Variants in HOOK3 observed in about 807,000 individuals in gnomAD.
The protein encoded by HOOK3 is hook microtubule tethering protein 3, also known as protein Hook homolog 3.
Under a neutral mutation model 116.3 loss-of-function variants are expected in HOOK3, and 24 were observed. That is an observed-to-expected ratio of 0.21 (90% CI 0.15 to 0.29). The LOEUF (loss-of-function observed/expected upper bound fraction) is 0.29, where lower values mean the gene tolerates loss of function less well. Ranked by LOEUF, HOOK3 falls within the 10% of genes least tolerant of loss-of-function variation. The pLI is 1.00. For missense variants in HOOK3, 632 were observed against 830.2 expected, an observed-to-expected ratio of 0.76 and a Z score of 2.93; for synonymous variants, 275 against 283.0, an observed-to-expected ratio of 0.97 and a Z score of 0.28.
chr8:42,966,686 A>G (rs1000103350), intron 10 of HOOK3, 73 bp downstream of exon 10: 7 of 1,517,268 alleles, frequency 4.6e-6, no homozygotes, highest in African/African-American at 1.4e-5. Context: ...CTGAGGATCT[A>G]GCAAACTTAA....
intron 11 of HOOK3, 31 bp from the exon 12 acceptor site, chr8:42,973,258 A>G (rs1014496929): frequency 5.1e-6 from 8 of 1,580,624 alleles, no homozygotes; most frequent in Non-Finnish European, 6.8e-6. Flanking sequence ...GTCTCAGATT[A>G]TGTATAAGTA....
intron 2 of HOOK3, among the ~76,000 whole-genome samples, chr8:42,907,772 G>A (rs1807339480): frequency 7.6e-6 from 1 of 132,328 alleles, no homozygotes; most frequent in South Asian, 2.5e-4. Flanking sequence ...CAAGGATGTC[G>A]ACTCTGCCAG....
intron 1 of HOOK3, among the ~76,000 whole-genome samples, chr8:42,901,442 A>T (rs1430728211): frequency 6.6e-6 from 1 of 152,194 alleles, no homozygotes; most frequent in African/African-American, 2.4e-5. Flanking sequence ...TAAAGTGTAT[A>T]ATTTTTTTGG....
rs1169680507 is a variant in HOOK3 at position 43,018,506 on chromosome 8, G to A, written c.*8G>A. 2 of 1,602,646 alleles carry A rather than the reference G, an allele frequency of 1.2e-6. No individual in the cohort carries two copies. Among genetic ancestry groups the A allele is most frequent in the Non-Finnish European group, 1.7e-6 (2 of 1,176,222 alleles). On this transcript the variant is annotated 3_prime_UTR_variant, in exon 22 of 22. Coordinates refer to ENST00000307602, the MANE Select transcript of HOOK3 (RefSeq NM_032410.4). ...CCGGCCACAGCAAGGTAGAGAAGTT[G>A]TGCCGCTCAATCACAGACACCTGCA...
chr8:42,922,820 C>T (rs1807682182), intron 2 of HOOK3, among the ~76,000 whole-genome samples: 1 of 145,998 alleles, frequency 6.8e-6, no homozygotes, highest in South Asian at 2.2e-4. Context: ...GAATTGGTTG[C>T]AGTGAGCTGA....
At chr8:42,899,004 G>A (rs78591000) in intron 1 of HOOK3, among the ~76,000 whole-genome samples, 2,100 of 152,264 alleles carry the variant, frequency 0.014, 45 homozygotes, top group African/African-American at 0.047. Context: ...GGTTGTATGG[G>A]CACTCAGAGT....
At chr8:42,948,888 G>A (rs938979216) in intron 5 of HOOK3, among the ~76,000 whole-genome samples, 20 of 152,328 alleles carry the variant, frequency 1.3e-4, no homozygotes, top group African/African-American at 4.6e-4. Context: ...GTTGTGTTAT[G>A]TATATTTGTA....
At position 42,897,180 on chromosome 8, in the gene HOOK3, C is replaced by T. The variant is rs1807008259; in HGVS notation, c.49C>T (p.Leu17Phe). Reference protein sequence around the residue: ...LERAELCESLLTWIQTFNVDA... With the variant: ...LERAELCESLFTWIQTFNVDA... ...GCGGGCGGAGCTGTGCGAGAGCCTC[C>T]TCACTTGGGTACGTGGGGGCCGCGG... Residue 17 changes from leucine (L) to phenylalanine (F), a missense_variant, in exon 1 of 22, where the codon CTC (leucine) becomes TTC (phenylalanine). Transcript: ENST00000307602. 4 of 1,247,874 alleles carry T rather than the reference C, an allele frequency of 3.2e-6. No homozygotes were observed. Among genetic ancestry groups the T allele is most frequent in the Admixed American group, 4.1e-5 (1 of 24,518 alleles). 77.3% of individuals were successfully genotyped at this position (1,247,874 alleles called of 1,614,324 possible).
chr8:43,019,801 C>T lies in HOOK3; in HGVS notation c.*1303C>T, dbSNP rs1809789918. 1 of 204,270 alleles carries T rather than the reference C, an allele frequency of 4.9e-6. No homozygotes were observed. The highest frequency in any genetic ancestry group is 1.0e-5 in the Non-Finnish European group (1 of 99,806). 12.7% of individuals were successfully genotyped at this position (204,270 alleles called of 1,614,324 possible). On this transcript the variant is annotated 3_prime_UTR_variant, in exon 22 of 22. Coordinates refer to ENST00000307602, the MANE Select transcript of HOOK3 (RefSeq NM_032410.4). ...TCCATATTGACTTATGTATTTGGTC[C>T]CAAATTATATTTAAGTCTTTTTTCT...
chr8:42,989,458 TA>T (rs1318724083), intron 15 of HOOK3, among the ~76,000 whole-genome samples: 1 of 152,204 alleles, frequency 6.6e-6, no homozygotes, highest in African/African-American at 2.4e-5. Flanking sequence ...ATGAACTTTT[TA>T]TTTTTTTTAT....
intron 2 of HOOK3, among the ~76,000 whole-genome samples, chr8:42,919,810 T>A (rs927379880): frequency 2.6e-5 from 4 of 152,124 alleles, no homozygotes. Flanking sequence ...GGCGTGGCGG[T>A]GCGCGCCTGC....
rs1808664394 is a variant in HOOK3, at chr8:42,968,139, G to T, written c.1047G>T (p.Gln349His). 1 of 1,613,722 alleles carries T rather than the reference G, an allele frequency of 6.2e-7. No individual in the cohort carries two copies. The highest frequency in any genetic ancestry group is 1.3e-5 in the African/African-American group (1 of 75,012). ...AAGAGAAGAATACCATGTATATGCA[G>T]AATACTGTCAGTCTAGAGGAAGAGT... ...LLEEKNTMYM[Q>H]NTVSLEEELR... Residue 349 changes from glutamine to histidine, a missense_variant, in exon 11 of 22, where the codon CAG becomes CAT. Gln to His is a conservative substitution (Grantham distance 24, BLOSUM62 0). Around this residue, in one of 3 missense-constraint regions of HOOK3, gnomAD observed 483 missense variants for 648.1 expected, o/e 0.75. Transcript: ENST00000307602.
chr8:43,006,438 C>T (rs1455488298), intron 17 of HOOK3, among the ~76,000 whole-genome samples: 2 of 152,062 alleles, frequency 1.3e-5, no homozygotes, highest in East Asian at 3.9e-4. Flanking sequence ...CCTTAGCCTC[C>T]CGAGTAGCTG....
At chr8:42,927,922 G>C (rs1807799960) in intron 3 of HOOK3, among the ~76,000 whole-genome samples, 2 of 152,158 alleles carry the variant, frequency 1.3e-5, no homozygotes, top group Admixed American at 1.3e-4. Context: ...CAAGGCGGGT[G>C]GATCACTTGC....
intron 17 of HOOK3, 101 bp downstream of exon 17, chr8:43,002,242 T>C: frequency 2.5e-6 from 2 of 807,936 alleles, no homozygotes; most frequent in South Asian, 1.6e-5. Flanking sequence ...AGGTGGCCCT[T>C]GAAGAAATAG....
chr8:43,005,377 C>T (rs968002194), intron 17 of HOOK3, among the ~76,000 whole-genome samples: 5 of 151,760 alleles, frequency 3.3e-5, no homozygotes, highest in East Asian at 1.9e-4. Context: ...TCTGCCACCA[C>T]GCCTGGCTCA....
chr8:42,936,370 A>G (rs1807972044), intron 4 of HOOK3, among the ~76,000 whole-genome samples: 1 of 152,156 alleles, frequency 6.6e-6, no homozygotes, highest in African/African-American at 2.4e-5. Flanking sequence ...TTCTATTTGA[A>G]TATCCTTTAT....
At chr8:42,904,149 A>G (rs1227581106) in intron 1 of HOOK3, among the ~76,000 whole-genome samples, 1 of 152,024 alleles carries the variant, frequency 6.6e-6, no homozygotes, top group Non-Finnish European at 1.5e-5. Flanking sequence ...ATAAATAAAA[A>G]TTTGTGTGAA....
chr8:42,998,083 G>A (rs1376643674), intron 16 of HOOK3: 1 of 208,014 alleles, frequency 4.8e-6, no homozygotes. Flanking sequence ...TACTCCTTCT[G>A]TTCCCCGACA....
Sources: allele counts gnomAD v4.1 joint callset (sites outside exome capture counted in the v4.1 genomes callset), GRCh38; gene constraint gnomAD v4.1.1; regional missense constraint gnomAD v4.1.1; transcripts MANE v1.5; gene names NCBI Gene and HGNC (gene_info 2026-07-23, HGNC 2026-07-21).